The following NOTCH2 variants were observed in gnomAD, a reference collection of about 807,000 sequenced individuals.
The protein encoded by NOTCH2 is neurogenic locus notch homolog protein 2.
A neutral mutation model predicts 235.8 loss-of-function variants in NOTCH2; 29 were observed. The ratio of observed to expected loss-of-function variants is 0.12; its 90% CI spans 0.09 to 0.17. The LOEUF (loss-of-function observed/expected upper bound fraction) is 0.17, where lower values mean the gene tolerates loss of function less well. NOTCH2 is among the 10% of genes least tolerant of loss of function. The pLI, the probability that NOTCH2 is intolerant of heterozygous loss-of-function variation, is 1.00. For missense variants in NOTCH2, 2,285 were observed against 3,150.2 expected, an observed-to-expected ratio of 0.73 and a Z score of 6.57; for synonymous variants, 1,086 against 1,141.5, an observed-to-expected ratio of 0.95 and a Z score of 0.98.
Position 120,005,328 on chromosome 1 carries a change from C to T in NOTCH2, c.415+1G>A. The T allele has an allele frequency of 6.2e-7, 1 of 1,614,032 alleles. No individual in the cohort carries two copies. The highest frequency in any genetic ancestry group is 8.5e-7 in the Non-Finnish European group (1 of 1,179,872). On this transcript the variant is annotated splice_donor_variant, in intron 3 of 33. Coordinates refer to ENST00000256646, the MANE Select transcript of NOTCH2 (RefSeq NM_024408.4). LOFTEE classifies it high-confidence loss of function. ...CCACTGGCTTTGGTCTCATTAGTTA[C>T]CTGTAAACCCGACTTGACAGGTGCA...
chr1:120,069,371 C>G lies in NOTCH2; in HGVS notation c.36G>C (p.Leu12=), dbSNP rs1395068425. ...PALRPALLWA[L]LALWLCCAAP... ...CCGCGCAGCACAGCCAGAGCGCCAG[C>G]AGCGCCCACAGCAGAGCGGGGCGCA... Residue 12 remains leucine (L), a synonymous_variant, in exon 1 of 34, where the codon CTG becomes CTC. Transcript: ENST00000256646. 1 of 1,568,914 alleles carries G rather than the reference C, an allele frequency of 6.4e-7. No individual in the cohort carries two copies. The highest frequency in any genetic ancestry group is 1.7e-5 in the Admixed American group (1 of 57,248).
At chr1:119,997,481 G>C in intron 3 of NOTCH2, 149 bp from the exon 4 acceptor site, 1 of 767,172 alleles carries the variant, frequency 1.3e-6, no homozygotes, top group Non-Finnish European at 2.3e-6. Flanking sequence ...CCTCCTCAAG[G>C]TAATCTGACA....
At chr1:120,046,192 T>C (rs1244660924) in intron 1 of NOTCH2, among the ~76,000 whole-genome samples, 3 of 127,458 alleles carry the variant, frequency 2.4e-5, no homozygotes, top group Non-Finnish European at 1.6e-5. Flanking sequence ...AGAAACTGGA[T>C]AAACCTGGTA....
intron 16 of NOTCH2, 25 bp from the exon 17 acceptor site, chr1:119,948,591 A>C (rs1650344335): frequency 1.9e-6 from 3 of 1,613,840 alleles, no homozygotes; most frequent in Non-Finnish European, 2.5e-6. Context: ...CCAATAAATG[A>C]CCTAGTCCTT....
intron 5 of NOTCH2, among the ~76,000 whole-genome samples, chr1:119,983,920 C>A (rs1553201939): frequency 6.6e-6 from 1 of 152,174 alleles, no homozygotes; most frequent in African/African-American, 2.4e-5. Context: ...CTTATCCATT[C>A]TTTTTCAAAT....
chr1:120,004,277 G>T (rs1553205955), intron 3 of NOTCH2, among the ~76,000 whole-genome samples: 1 of 145,928 alleles, frequency 6.9e-6, no homozygotes, highest in South Asian at 2.3e-4. Flanking sequence ...TTGAAATGAG[G>T]TCAGAACAAG....
chr1:119,963,176 T>TAGGAAGGAAGGAAGGA (rs1221282887), intron 11 of NOTCH2, among the ~76,000 whole-genome samples: 7 of 66,326 alleles, frequency 1.1e-4, no homozygotes, highest in Non-Finnish European at 2.1e-4. Context: ...AGAAGGAAGG[T>TAGGAAGGAAGGAAGGA]AGGTAGGAAG....
chr1:119,928,375 A>C (rs940340975), intron 23 of NOTCH2, among the ~76,000 whole-genome samples: 1 of 152,158 alleles, frequency 6.6e-6, no homozygotes, highest in African/African-American at 2.4e-5. Flanking sequence ...TGCCCCCTTT[A>C]AGTATCTAAG....
rs1553199318 is a variant in NOTCH2 at position 119,963,792 on chromosome 1, A to G, written c.1697T>C (p.Leu566Ser). Reference sequence around the variant, plus strand: ...ACAGTTGTCAATGTTCTCCTCACACAACACACCAGTGAAACCTTTGGAAAG... The same window carrying G: ...ACAGTTGTCAATGTTCTCCTCACACGACACACCAGTGAAACCTTTGGAAAG... ...CQCATGFTGVLCEENIDNCDP... is the reference protein window; with the variant it reads ...CQCATGFTGVSCEENIDNCDP... The change falls in exon 11 of 34, where the codon TTG becomes TCG. Residue 566 changes from leucine (L) to serine (S), a missense_variant. Leu to Ser is a moderately radical substitution (Grantham distance 145). Around this residue, in one of 6 missense-constraint regions of NOTCH2, gnomAD observed 431 missense variants for 757.8 expected, o/e 0.57. Transcript: ENST00000256646. The G allele has an allele frequency of 1.2e-6, 2 of 1,614,034 alleles. No homozygotes were observed. Among genetic ancestry groups the G allele is most frequent in the East Asian group, 2.2e-5 (1 of 44,870 alleles).
At chr1:119,953,110 A>G (rs1650544911) in intron 14 of NOTCH2, among the ~76,000 whole-genome samples, 2 of 152,122 alleles carry the variant, frequency 1.3e-5, no homozygotes, top group Admixed American at 6.5e-5. Context: ...TCAGGAGTTC[A>G]TGACCAGCCT....
intron 5 of NOTCH2, among the ~76,000 whole-genome samples, chr1:119,981,148 A>G (rs1016853114): frequency 5.0e-4 from 76 of 150,688 alleles, no homozygotes; most frequent in African/African-American, 1.8e-3. Flanking sequence ...CCAACTTACC[A>G]TCATTTCTAC....
intron 14 of NOTCH2, among the ~76,000 whole-genome samples, chr1:119,952,262 C>G (rs1412657845): frequency 6.6e-6 from 1 of 152,126 alleles, no homozygotes; most frequent in Non-Finnish European, 1.5e-5. Flanking sequence ...TTTTTGGCAC[C>G]AGGGATTGGT....
chr1:120,038,971 A>C (rs1358796805), intron 1 of NOTCH2, among the ~76,000 whole-genome samples: 1 of 152,172 alleles, frequency 6.6e-6, no homozygotes, highest in Non-Finnish European at 1.5e-5. Context: ...AATAATTTAC[A>C]TCTAAATGAA....
intron 5 of NOTCH2, among the ~76,000 whole-genome samples, chr1:119,984,527 C>T (rs1307023248): frequency 1.3e-5 from 2 of 152,178 alleles, no homozygotes; most frequent in Non-Finnish European, 2.9e-5. Context: ...TACTAGATTC[C>T]TGCTCCATTC....
intron 4 of NOTCH2, chr1:119,994,494 C>A (rs1652353412): frequency 7.5e-6 from 1 of 133,060 alleles, no homozygotes; most frequent in Non-Finnish European, 1.5e-5. Context: ...GTCTATGTAA[C>A]TACTTTTAAA....
In NOTCH2 at chr1:119,948,480, T is replaced by G; in HGVS notation, c.2686A>C (p.Met896Leu). 1 of 1,614,186 alleles carries G rather than the reference T, an allele frequency of 6.2e-7. No homozygotes were observed. The highest frequency in any genetic ancestry group is 2.2e-5 in the East Asian group (1 of 44,884). ...CTGAAGCCTGGTGGACATTCACACA[T>G]GTAGCTGCCCTGGGTGTTATGGCAG... is the stretch of plus-strand genomic sequence containing the variant. ...GLCHNTQGSYMCECPPGFSGM... is the reference protein window; with the variant it reads ...GLCHNTQGSYLCECPPGFSGM... Residue 896 changes from methionine to leucine, a missense_variant, in exon 17 of 34, where the codon ATG (methionine) becomes CTG (leucine). Transcript: ENST00000256646.
intron 26 of NOTCH2, 84 bp downstream of exon 26, chr1:119,923,553 A>G (rs1649359717): frequency 4.2e-6 from 5 of 1,183,460 alleles, no homozygotes; most frequent in Non-Finnish European, 5.1e-6. Flanking sequence ...TTGCATTTCT[A>G]TAGGTTGAGT....
chr1:119,986,444 C>A (rs965046460), intron 5 of NOTCH2, among the ~76,000 whole-genome samples: 3 of 152,020 alleles, frequency 2.0e-5, no homozygotes, highest in African/African-American at 7.3e-5. Flanking sequence ...AAGAAAAAAA[C>A]AAATGTAGGA....
intron 2 of NOTCH2, among the ~76,000 whole-genome samples, chr1:120,012,284 C>T (rs57685202): frequency 0.039 from 5,552 of 140,568 alleles, 91 homozygotes; most frequent in South Asian, 0.088. Context: ...AGTTCTTAAA[C>T]TGAGGAGGCA....
Sources: gnomAD v4.1 joint callset for allele counts (sites outside exome capture counted in the v4.1 genomes callset) on GRCh38, gnomAD v4.1.1 for gene constraint, gnomAD v4.1.1 regional missense constraint, MANE v1.5 for transcripts, NCBI Gene and HGNC (gene_info 2026-07-23, HGNC 2026-07-21) for gene names.